PNPLA6: variants seen among roughly 807,000 people sequenced by gnomAD.
PNPLA6 encodes the protein patatin-like phospholipase domain-containing protein 6.
PNPLA6 carries 105 observed loss-of-function variants against 153.7 expected under a neutral mutation model. The observed-to-expected ratio is 0.68, with a 90% CI of 0.58 to 0.80. The LOEUF (loss-of-function observed/expected upper bound fraction) is 0.80. PNPLA6 is among the 30% of genes least tolerant of loss of function. The pLI, the probability that PNPLA6 is intolerant of heterozygous loss-of-function variation, is 0.00. For synonymous variants in PNPLA6, 825 were observed against 822.2 expected (o/e 1.00, Z -0.06); for missense variants, 1,423 against 1,919.3 (o/e 0.74, Z 4.83).
In PNPLA6 at chr19:7,555,813, C is replaced by T; in HGVS notation, c.3093+50C>T. 1.3e-6 allele frequency: 2 copies of T among 1,599,606 alleles called. No individual in the cohort carries two copies. The highest frequency in any genetic ancestry group is 1.7e-6 in the Non-Finnish European group (2 of 1,173,292). On this transcript the variant is annotated intron_variant, in intron 24 of 31. Coordinates refer to ENST00000600737, the MANE Select transcript of PNPLA6 (RefSeq NM_001166114.2). This position sits in a 1 kb window ranked among gnomAD's most constrained non-coding sequence, Gnocchi z 6.3. ...TGCACCCCAGGAGTGCCATAAAACC[C>T]GTGGTTCCAACCTAACCTGATCCCA...
At chr19:7,534,222 C>A, upstream of PNPLA6, 1 of 327,280 alleles carries the variant, frequency 3.1e-6, no homozygotes, top group South Asian at 2.7e-5. Context: ...CGGAGTGGAC[C>A]CCGGCTGCGG....
chr19:7,535,824 C>G lies in PNPLA6; in HGVS notation c.36C>G (p.Ser12=). ...GTSSHGLATN[S]SGAKVAERDG... is the part of the protein sequence containing the mutation. ...CGAGTCACGGGCTGGCTACGAACTC[C>G]TCGGGGGCGAAGGTGGCGGAGAGGG... is the stretch of plus-strand genomic sequence containing the variant. The change falls in exon 1 of 32, where the codon TCC becomes TCG. Residue 12 remains serine, a synonymous_variant. Coordinates refer to ENST00000600737, the MANE Select transcript of PNPLA6 (RefSeq NM_001166114.2). This position sits in a 1 kb window ranked among gnomAD's most constrained non-coding sequence, Gnocchi z 5.0. 6.5e-7 allele frequency: 1 copy of G among 1,537,086 alleles called. No individual in the cohort carries two copies. Among genetic ancestry groups the G allele is most frequent in the Non-Finnish European group, 8.7e-7 (1 of 1,146,832 alleles).
chr19:7,542,306 T>C (rs2146059267), intron 10 of PNPLA6, among the ~76,000 whole-genome samples: 1 of 152,314 alleles, frequency 6.6e-6, no homozygotes, highest in East Asian at 1.9e-4. Flanking sequence ...CATGGCACAT[T>C]GGTATCCATT....
intron 13 of PNPLA6, among the ~76,000 whole-genome samples, chr19:7,544,325 T>A (rs2023292658): frequency 6.6e-6 from 1 of 150,952 alleles, no homozygotes; most frequent in South Asian, 2.1e-4. Flanking sequence ...TTGGCCAGCC[T>A]TGTCTCAAAC....
intron 18 of PNPLA6, among the ~76,000 whole-genome samples, chr19:7,552,623 T>C (rs2023701112): frequency 6.6e-6 from 1 of 151,100 alleles, no homozygotes. Context: ...GGTGTGGTGG[T>C]GGGTGCCTGT....
rs777841636 is a variant in PNPLA6, at chr19:7,542,546, C to T, written c.1253-15C>T. On this transcript the variant is annotated splice_polypyrimidine_tract_variant and intron_variant, in intron 10 of 31. Transcript: ENST00000600737. ...TCATCTTTATGGTTTTTGTTGCCCC[C>T]CTGCCTGCCTGCAGGCTTGCAGGGT... 5.6e-6 allele frequency: 9 copies of T among 1,598,796 alleles called. No homozygotes were observed. In the South Asian group the frequency reaches 6.6e-5, roughly 12 times the overall value.
Position 7,556,527 on chromosome 19 carries a change from T to G in PNPLA6, c.3168T>G (p.Phe1056Leu). 6.2e-7 allele frequency: 1 copy of G among 1,613,848 alleles called. No individual in the cohort carries two copies. ...CCTCCATGTTCACTGGGTCTGCCTTTAACCGCAGCATCCATCGGGTCTTCC... is the reference window on the plus strand; with the variant it reads ...CCTCCATGTTCACTGGGTCTGCCTTGAACCGCAGCATCCATCGGGTCTTCC... Reference protein sequence around the residue: ...PVTSMFTGSAFNRSIHRVFQD... With the variant: ...PVTSMFTGSALNRSIHRVFQD... Residue 1056 changes from phenylalanine (F) to leucine (L), a missense_variant, in exon 25 of 32, where the codon TTT becomes TTG. Transcript: ENST00000600737.
chr19:7,541,500 A>G lies in PNPLA6; in HGVS notation c.1006-22A>G, dbSNP rs1391779459. ...CGAGGTCTCCCTCCCAGGACAGGCC[A>G]CAAGCTGTTCTCTGCCCCCAGGAGA... On this transcript the variant is annotated intron_variant, in intron 8 of 31. Coordinates refer to ENST00000600737, the MANE Select transcript of PNPLA6 (RefSeq NM_001166114.2). This position sits in a 1 kb window ranked among gnomAD's most constrained non-coding sequence, Gnocchi z 5.2. 1.2e-6 allele frequency: 2 copies of G among 1,611,766 alleles called. No homozygotes were observed. Among genetic ancestry groups the G allele is most frequent in the East Asian group, 2.2e-5 (1 of 44,770 alleles).
chr19:7,535,841 C>G lies in PNPLA6; in HGVS notation c.53C>G (p.Ala18Gly). 1 of 1,537,546 alleles carries G rather than the reference C, an allele frequency of 6.5e-7. No homozygotes were observed. The highest frequency in any genetic ancestry group is 8.7e-7 in the Non-Finnish European group (1 of 1,147,042). ...LATNSSGAKV[A>G]ERDGFQDVLA... The stretch of plus-strand genomic sequence containing the variant: ...ACGAACTCCTCGGGGGCGAAGGTGG[C>G]GGAGAGGGATGGGTTCCAGGACGTC... Residue 18 changes from alanine to glycine, a missense_variant, in exon 1 of 32, where the codon GCG (alanine) becomes GGG (glycine). Physicochemically the swap from Ala to Gly is moderately conservative, Grantham distance 60 (BLOSUM62 0). Around this residue, in one of 10 missense-constraint regions of PNPLA6, gnomAD observed 109 missense variants for 109.4 expected, o/e 1.00. Transcript: ENST00000600737. The surrounding 1 kb of genome is among the most constrained non-coding windows in gnomAD (Gnocchi z 5.0).
Position 7,536,219 on chromosome 19 carries a change from T to C in PNPLA6, c.261T>C (p.Tyr87=), listed in dbSNP as rs1255862253. ...CCCCAGCCCCGGATGGCCCCCGGTA[T>C]CGGTTCCGGAAGAGGGACAAAGTGC... ...PKTPAPDGPR[Y]RFRKRDKVLF... is the part of the protein sequence containing the mutation. The change falls in exon 2 of 32, where the codon TAT becomes TAC. Residue 87 remains tyrosine (Y), a synonymous_variant. Coordinates refer to ENST00000600737, the MANE Select transcript of PNPLA6 (RefSeq NM_001166114.2). The C allele has an allele frequency of 1.5e-5, 24 of 1,613,638 alleles. No individual in the cohort carries two copies. The highest frequency in any genetic ancestry group is 1.9e-5 in the Non-Finnish European group (22 of 1,179,832).
At chr19:7,557,371 A>G (rs1361565564) in intron 27 of PNPLA6, 87 bp downstream of exon 27, 1 of 855,792 alleles carries the variant, frequency 1.2e-6, no homozygotes, top group African/African-American at 1.6e-5. Flanking sequence ...GACAGGCTCG[A>G]TGACGGGACA....
At chr19:7,561,186 G>A (rs367788123) in intron 30 of PNPLA6, 22 bp from the exon 31 acceptor site, 2 of 1,595,506 alleles carry the variant, frequency 1.3e-6, no homozygotes, top group South Asian at 1.1e-5. Context: ...CCCCTCACCT[G>A]TGCCCTGCTC....
chr19:7,553,363 T>G (rs536603968), intron 18 of PNPLA6, among the ~76,000 whole-genome samples: 3 of 152,350 alleles, frequency 2.0e-5, no homozygotes, highest in Non-Finnish European at 4.4e-5. Context: ...GTGATTCTCC[T>G]GCCTCAGCCT....
At chr19:7,552,795 G>T (rs972905774) in intron 18 of PNPLA6, among the ~76,000 whole-genome samples, 1 of 150,470 alleles carries the variant, frequency 6.6e-6, no homozygotes, top group African/African-American at 2.4e-5. Context: ...GAAAAGAAAA[G>T]GAAAGAAATT....
At position 7,555,553 on chromosome 19, in the gene PNPLA6, G is replaced by A. The variant is rs1187993757; in HGVS notation, c.2937-54G>A. 6 of 1,594,776 alleles carry A rather than the reference G, an allele frequency of 3.8e-6. No homozygotes were observed. The Admixed American group carries it at 5.1e-5, about 14-fold the overall frequency. ...GGGAGGTGGGAGGAGGTAGGGGCAG[G>A]GGAGTTCCTGCAGGTGGGGCCTAGC... On this transcript the variant is annotated intron_variant, in intron 23 of 31. Transcript: ENST00000600737. This position sits in a 1 kb window ranked among gnomAD's most constrained non-coding sequence, Gnocchi z 6.3.
chr19:7,554,232 G>A lies in PNPLA6; in HGVS notation c.2425G>A (p.Asp809Asn). Residue 809 changes from aspartate (D) to asparagine (N), a missense_variant, in exon 20 of 32, where the codon GAC (aspartate) becomes AAC (asparagine). Asp to Asn is a conservative substitution (Grantham distance 23, BLOSUM62 1). This residue lies in a region of PNPLA6 where 643 missense variants were observed against 835.2 expected (regional missense o/e 0.77). Coordinates refer to ENST00000600737, the MANE Select transcript of PNPLA6 (RefSeq NM_001166114.2). ...AIGPTLLLNSDIIRARLGASA... is the reference protein window; with the variant it reads ...AIGPTLLLNSNIIRARLGASA... ...AGGTCCGACGCTACTCCTTAACAGT[G>A]ACATCATCCGGGCACGCCTGGGGGC... is the stretch of plus-strand genomic sequence containing the variant. The A allele has an allele frequency of 6.2e-7, 1 of 1,614,066 alleles. No homozygotes were observed. Among genetic ancestry groups the A allele is most frequent in the Non-Finnish European group, 8.5e-7 (1 of 1,179,978 alleles).
At chr19:7,546,939 A>G (rs923075574) in intron 13 of PNPLA6, among the ~76,000 whole-genome samples, 1 of 149,714 alleles carries the variant, frequency 6.7e-6, no homozygotes, top group South Asian at 2.1e-4. Flanking sequence ...GAGTCTCGCT[A>G]TGTCGCCCAG....
intron 13 of PNPLA6, among the ~76,000 whole-genome samples, chr19:7,548,020 G>GGAA (rs61614782): frequency 0.7 from 105,578 of 150,376 alleles, 37,286 homozygotes; most frequent in Admixed American, 0.78. Context: ...GGGCCACATT[G>GGAA]GAAGAATTGT....
intron 29 of PNPLA6, 60 bp downstream of exon 29, chr19:7,560,824 C>A: frequency 8.5e-7 from 1 of 1,177,170 alleles, no homozygotes; most frequent in South Asian, 1.2e-5. Flanking sequence ...CCCAAGCCCC[C>A]TTAAAGTCTC....
Sources: allele counts gnomAD v4.1 joint callset (sites outside exome capture counted in the v4.1 genomes callset), GRCh38; gene constraint gnomAD v4.1.1; regional missense constraint gnomAD v4.1.1; non-coding constraint Gnocchi (gnomAD v3.1); transcripts MANE v1.5; gene names NCBI Gene and HGNC (gene_info 2026-07-23, HGNC 2026-07-21).